DIAPH2: variants seen among roughly 807,000 people sequenced by gnomAD.
The protein encoded by DIAPH2 is diaphanous related formin 2, also known as protein diaphanous homolog 2.
Under a neutral mutation model 92.7 loss-of-function variants are expected in DIAPH2, and 35 were observed. The ratio of observed to expected loss-of-function variants is 0.38; its 90% CI spans 0.29 to 0.50. The LOEUF (loss-of-function observed/expected upper bound fraction) is 0.50, where lower values mean the gene tolerates loss of function less well. Among genes scored for constraint, DIAPH2 ranks in the 20% least tolerant of loss-of-function variants. The pLI, the probability that DIAPH2 is intolerant of heterozygous loss-of-function variation, is 0.94. For missense variants in DIAPH2, 701 were observed against 819.5 expected (o/e 0.86, Z 1.77); for synonymous variants, 301 against 280.4 (o/e 1.07, Z -0.73).
At chrX:96,850,002 T>A (rs2064997269) in intron 4 of DIAPH2, among the ~76,000 whole-genome samples, 1 of 110,810 alleles carries the variant, frequency 9.0e-6, no homozygotes, top group Admixed American at 9.6e-5. Context: ...ATATATGACA[T>A]CTGTTCATTT....
chrX:97,457,003 TTTTTG>T (rs2070412375), intron 26 of DIAPH2, among the ~76,000 whole-genome samples: 2 of 112,189 alleles, frequency 1.8e-5, no homozygotes, highest in Admixed American at 1.9e-4. Context: ...TGCTTTGGTT[TTTTTG>T]TTTTGTTTTG....
chrX:97,429,406 A>G (rs1386499311), intron 25 of DIAPH2, among the ~76,000 whole-genome samples: 1 of 111,542 alleles, frequency 9.0e-6, no homozygotes, highest in African/African-American at 3.3e-5. Context: ...CGTGTCATCA[A>G]TAATACAAAA....
At position 96,884,354 on chromosome X, in the gene DIAPH2, C is replaced by A. The variant is rs777653217; in HGVS notation, c.587+2636C>A. On this transcript the variant is annotated intron_variant, in intron 5 of 26. Transcript: ENST00000324765. Reference sequence around the variant, plus strand: ...GGGAGCTATGGCAGCATTTCTGCTGCTGATGGAGCGAGTGGAGGCAGTGAC... The same window carrying A: ...GGGAGCTATGGCAGCATTTCTGCTGATGATGGAGCGAGTGGAGGCAGTGAC... The A allele has an allele frequency of 1.5e-5, 18 of 1,208,396 alleles. No individual in the cohort carries two copies. Among genetic ancestry groups the A allele is most frequent in the Non-Finnish European group, 2.0e-5 (18 of 894,714 alleles).
chrX:97,024,245 T>A (rs764949909), intron 17 of DIAPH2, among the ~76,000 whole-genome samples: 2 of 110,366 alleles, frequency 1.8e-5, no homozygotes, highest in East Asian at 5.7e-4. Context: ...ATGTGTAGAT[T>A]TTGCTAAAAA....
At chrX:97,333,968 TCTC>T (rs2069024924) in intron 23 of DIAPH2, among the ~76,000 whole-genome samples, 1 of 111,189 alleles carries the variant, frequency 9.0e-6, no homozygotes. Context: ...AAATTATCCT[TCTC>T]CTGTTGCCAA....
intron 20 of DIAPH2, among the ~76,000 whole-genome samples, chrX:97,101,392 G>A (rs941514802): frequency 9.0e-6 from 1 of 111,089 alleles, no homozygotes; most frequent in Non-Finnish European, 1.9e-5. Flanking sequence ...TGAACTAAAA[G>A]CAAAATAGAA....
Position 97,175,135 on chromosome X carries a change from T to C in DIAPH2, c.2719+33341T>C, listed in dbSNP as rs182813688. Among the ~76,000 whole-genome samples the C allele has an allele frequency of 5.0e-3, 557 of 112,237 alleles. 5 individuals are homozygous for C. The highest frequency in any genetic ancestry group is 0.017 in the African/African-American group (519 of 30,973). On this transcript the variant is annotated intron_variant, in intron 22 of 26. Transcript: ENST00000324765. ...CTAAGACAGTCATGTGCATACTGCA[T>C]TATGAACCTATTTCCAATAGATTAG...
intron 26 of DIAPH2, among the ~76,000 whole-genome samples, chrX:97,559,714 A>G (rs1379303518): frequency 8.9e-6 from 1 of 112,000 alleles, no homozygotes; most frequent in East Asian, 2.8e-4. Flanking sequence ...CAAAGTAAAG[A>G]TTTAACCAAA....
At chrX:96,689,063 G>A (rs1294610617) in intron 1 of DIAPH2, among the ~76,000 whole-genome samples, 1 of 110,019 alleles carries the variant, frequency 9.1e-6, no homozygotes, top group African/African-American at 3.3e-5. Flanking sequence ...AAGGCTTATC[G>A]CAGTAGGTGA....
chrX:97,139,567 AG>A, intron 21 of DIAPH2, among the ~76,000 whole-genome samples: 1 of 109,931 alleles, frequency 9.1e-6, no homozygotes, highest in Non-Finnish European at 1.9e-5. Flanking sequence ...CATGCTTTGA[AG>A]GGAATATTAT....
intron 24 of DIAPH2, among the ~76,000 whole-genome samples, chrX:97,352,870 C>CAAAAAAAA (rs1176922373): frequency 3.7e-5 from 1 of 27,096 alleles, no homozygotes; most frequent in Non-Finnish European, 7.0e-5. Context: ...AATCTGTCTC[C>CAAAAAAAA]AAAAAAAAAA....
intron 22 of DIAPH2, among the ~76,000 whole-genome samples, chrX:97,229,885 ATTG>A (rs910242290): frequency 3.8e-5 from 4 of 105,429 alleles, no homozygotes; most frequent in Admixed American, 1.1e-4. Flanking sequence ...AAGATGTAAT[ATTG>A]TTATTATATA....
intron 2 of DIAPH2, among the ~76,000 whole-genome samples, 177 bp from the exon 3 acceptor site, chrX:96,738,409 T>C (rs1244267934): frequency 1.8e-5 from 2 of 111,467 alleles, no homozygotes; most frequent in Non-Finnish European, 3.8e-5. Flanking sequence ...TGAAGAGTAC[T>C]TCAAGGTTTC....
At chrX:97,174,189 A>G (rs2067475591) in intron 22 of DIAPH2, among the ~76,000 whole-genome samples, 1 of 109,246 alleles carries the variant, frequency 9.2e-6, no homozygotes, top group South Asian at 3.8e-4. Flanking sequence ...CTGATAGGTA[A>G]GGTACTATTA....
At chrX:97,224,008 C>A (rs181995617) in intron 22 of DIAPH2, among the ~76,000 whole-genome samples, 1 of 111,393 alleles carries the variant, frequency 9.0e-6, no homozygotes, top group Non-Finnish European at 1.9e-5. Flanking sequence ...CCAAATTAGA[C>A]CCTTATTAAC....
At chrX:97,352,178 C>T (rs973026163) in intron 24 of DIAPH2, among the ~76,000 whole-genome samples, 3 of 111,010 alleles carry the variant, frequency 2.7e-5, no homozygotes, top group African/African-American at 9.8e-5. Flanking sequence ...GATGCATGTG[C>T]TACCAAAAAT....
At chrX:96,735,331 C>G (rs749666497) in intron 1 of DIAPH2, among the ~76,000 whole-genome samples, 1 of 111,724 alleles carries the variant, frequency 9.0e-6, no homozygotes, top group Non-Finnish European at 1.9e-5. Flanking sequence ...CAAGCTGTTT[C>G]ATTATATTTC....
chrX:97,150,021 T>A (rs1390259432), intron 22 of DIAPH2, among the ~76,000 whole-genome samples: 1 of 110,818 alleles, frequency 9.0e-6, no homozygotes, highest in African/African-American at 3.3e-5. Context: ...TATTATTATT[T>A]TTATTTTTGG....
intron 14 of DIAPH2, among the ~76,000 whole-genome samples, chrX:96,946,206 G>T (rs1429800438): frequency 1.8e-5 from 2 of 111,677 alleles, no homozygotes; most frequent in African/African-American, 3.2e-5. Flanking sequence ...GTGAATATCC[G>T]AATTGTATTC....
Sources: gnomAD v4.1 joint callset for allele counts (sites outside exome capture counted in the v4.1 genomes callset) on GRCh38, gnomAD v4.1.1 for gene constraint, MANE v1.5 for transcripts, NCBI Gene and HGNC (gene_info 2026-07-23, HGNC 2026-07-21) for gene names.